The following CHIT1 variants were observed in gnomAD, a reference collection of about 807,000 sequenced individuals.
The protein encoded by CHIT1 is chitinase 1.
CHIT1 carries 47 observed loss-of-function variants against 52.0 expected under a neutral mutation model. The observed-to-expected ratio is 0.90, with a 90% CI of 0.71 to 1.15. The LOEUF is 1.15. Ranked by LOEUF, CHIT1 falls within the 50% of genes most tolerant of loss-of-function variation. CHIT1 has a pLI of 0.00. For missense variants in CHIT1, 569 were observed against 583.0 expected, an observed-to-expected ratio of 0.98 and a Z score of 0.25; for synonymous variants, 242 against 228.2, an observed-to-expected ratio of 1.06 and a Z score of -0.54.
In CHIT1 at chr1:203,226,775, G is replaced by T. The variant is rs555856368; in HGVS notation, c.56-905C>A. On this transcript the variant is annotated intron_variant, in intron 2 of 10. Transcript: ENST00000367229. ...GTGGTGATGACCCCCACTGAGGTCA[G>T]CCCTGTGCAGGGTTGACCAGGACAC... 4.1e-4 allele frequency among the ~76,000 whole-genome samples: 62 copies of T among 152,112 alleles called. No homozygotes were observed. The East Asian group carries it at 0.01, about 25-fold the overall frequency.
In CHIT1 at chr1:203,216,889, T is replaced by C; in HGVS notation, c.1401A>G (p.Ter467TrpextTer79). Residue 467 changes from the stop codon to tryptophan, a stop_lost, in exon 11 of 11, where the codon TGA (stop) becomes TGG (tryptophan). Transcript: ENST00000367229. ...SNSCKCCTWN* is the reference protein window; with the variant it reads ...SNSCKCCTWNW ...CTGGGACTGGAGGGGCTTTAGCGAC[T>C]CAATTCCAGGTGCAGCATTTGCAGG... 1 of 1,614,022 alleles carries C rather than the reference T, an allele frequency of 6.2e-7. No homozygotes were observed. Among genetic ancestry groups the C allele is most frequent in the Non-Finnish European group, 8.5e-7 (1 of 1,180,026 alleles).
At chr1:203,229,819 C>T, upstream of CHIT1, 2 of 705,730 alleles carry the variant, frequency 2.8e-6, no homozygotes, top group Non-Finnish European at 5.2e-6. Context: ...GCAAACTTGA[C>T]ACAATGGCCT....
At chr1:203,224,517 T>C (rs1233856627) in intron 4 of CHIT1, among the ~76,000 whole-genome samples, 1 of 152,176 alleles carries the variant, frequency 6.6e-6, no homozygotes, top group Non-Finnish European at 1.5e-5. Context: ...GAGCCCTATA[T>C]TCTGGATTTT....
chr1:203,229,754 TG>T (rs747499612), upstream of CHIT1: 69 of 1,058,358 alleles, frequency 6.5e-5, no homozygotes, highest in Middle Eastern at 3.9e-4. Flanking sequence ...GGGCACTGGG[TG>T]GGGGGGATGG....
Position 203,219,751 on chromosome 1 carries a change from TGAG to T in CHIT1, c.825_827del (p.Ser277del), listed in dbSNP as rs1476350320. ...CTGGGGCCCCCACTCTGGTGTCTGA[TGAG>T]GAGGCCAGTGTGAAGGAGCGTCCGT... On this transcript the variant is annotated inframe_deletion, in exon 8 of 11. Transcript: ENST00000367229. 1 of 1,613,750 alleles carries T rather than the reference TGAG, an allele frequency of 6.2e-7. No individual in the cohort carries two copies. Among genetic ancestry groups the T allele is most frequent in the Non-Finnish European group, 8.5e-7 (1 of 1,179,990 alleles).
At chr1:203,222,450 G>T (rs1204215469) in intron 6 of CHIT1, 125 bp from the exon 7 acceptor site, 17 of 1,441,688 alleles carry the variant, frequency 1.2e-5, no homozygotes, top group Non-Finnish European at 1.6e-5. Context: ...GGCAAAGGTG[G>T]CAGGCTCACC....
chr1:203,228,842 T>C (rs905712172), intron 1 of CHIT1, among the ~76,000 whole-genome samples: 3 of 152,154 alleles, frequency 2.0e-5, no homozygotes, highest in African/African-American at 4.8e-5. Context: ...GCAGTGTGGA[T>C]TCAGGAAGAT....
intron 2 of CHIT1, among the ~76,000 whole-genome samples, chr1:203,227,744 C>A (rs1443782928): frequency 1.3e-5 from 2 of 152,194 alleles, no homozygotes; most frequent in Non-Finnish European, 2.9e-5. Context: ...GCAGAAAGCC[C>A]AGAAGTAGCC....
In CHIT1 at chr1:203,225,798, G is replaced by C; in HGVS notation, c.128C>G (p.Pro43Arg). ...QYRQGEARFL[P>R]KDLDPSLCTH... ...GCAAAGGCTGGGGTCCAAGTCCTTG[G>C]GCAGGAAGCGAGCCTCCCCCTGTCT... Residue 43 changes from proline to arginine, a missense_variant, in exon 3 of 11, where the codon CCC becomes CGC. Transcript: ENST00000367229. The C allele has an allele frequency of 1.2e-6, 2 of 1,614,192 alleles. No homozygotes were observed. The highest frequency in any genetic ancestry group is 1.7e-6 in the Non-Finnish European group (2 of 1,180,024).
At position 203,217,894 on chromosome 1, in the gene CHIT1, G is replaced by A. The variant is rs200696379; in HGVS notation, c.1030-29C>T. On this transcript the variant is annotated intron_variant, in intron 9 of 10. Coordinates refer to ENST00000367229, the MANE Select transcript of CHIT1 (RefSeq NM_003465.3). ...TGCAGGGAGGGGATGCAGTGGAGGA[G>A]CCCGGGGAAGCCTGACCCGGCCACC... is the stretch of plus-strand genomic sequence containing the variant. 6.9e-6 allele frequency: 11 copies of A among 1,596,320 alleles called. No homozygotes were observed. The African/African-American group carries it at 1.3e-4, about 19-fold the overall frequency.
In CHIT1 at chr1:203,229,670, AACC is replaced by A; in HGVS notation, c.-37_-35del. The A allele has an allele frequency of 6.2e-7, 1 of 1,613,458 alleles. No individual in the cohort carries two copies. Among genetic ancestry groups the A allele is most frequent in the East Asian group, 2.2e-5 (1 of 44,864 alleles). On this transcript the variant is annotated 5_prime_UTR_variant, in exon 1 of 11. Transcript: ENST00000367229. ...TCAGCGGCAGGCTGCAGCCCATACA[AACC>A]AGCTTTCCAGGTCCTGCTCTGCTTT... is the stretch of plus-strand genomic sequence containing the variant.
At chr1:203,217,887 T>A (rs1175818860) in intron 9 of CHIT1, 22 bp from the exon 10 acceptor site, 1 of 1,522,284 alleles carries the variant, frequency 6.6e-7, no homozygotes, top group Admixed American at 1.9e-5. Flanking sequence ...GGGGATGCAG[T>A]GGAGGAGCCC....
At chr1:203,221,607 C>A (rs1459031257) in intron 7 of CHIT1, among the ~76,000 whole-genome samples, 1 of 152,084 alleles carries the variant, frequency 6.6e-6, no homozygotes, top group South Asian at 2.1e-4. Context: ...GGTGACAGAA[C>A]AAGATTCTGT....
chr1:203,228,499 A>T, intron 2 of CHIT1, 34 bp downstream of exon 2: 1 of 1,573,596 alleles, frequency 6.4e-7, no homozygotes, highest in Non-Finnish European at 8.6e-7. Flanking sequence ...AGCCCAGGGA[A>T]GGGGCTGAGG....
chr1:203,222,080 A>T, intron 7 of CHIT1, 122 bp downstream of exon 7: 1 of 1,390,204 alleles, frequency 7.2e-7, no homozygotes, highest in East Asian at 2.4e-5. Context: ...GAAACAAAAA[A>T]GCTTCTTGTT....
At chr1:203,228,047 G>T (rs1019015257) in intron 2 of CHIT1, among the ~76,000 whole-genome samples, 1 of 152,178 alleles carries the variant, frequency 6.6e-6, no homozygotes, top group African/African-American at 2.4e-5. Context: ...CCTCTCTCAA[G>T]CTCCACATCT....
At chr1:203,229,890 G>A, upstream of CHIT1, 1 of 559,124 alleles carries the variant, frequency 1.8e-6, no homozygotes. Flanking sequence ...CCAAACAGAG[G>A]AAAGCGGGAA....
rs768505099 is a variant in CHIT1, at chr1:203,225,683, A to C, written c.243T>G (p.Asn81Lys). 61 of 1,575,420 alleles carry C rather than the reference A, an allele frequency of 3.9e-5. No homozygotes were observed. The Admixed American group carries it at 9.2e-4, about 24-fold the overall frequency. Residue 81 changes from asparagine to lysine, a missense_variant, in exon 3 of 11, where the codon AAT becomes AAG. Asn to Lys is a moderately conservative substitution (Grantham distance 94). Transcript: ENST00000367229. The part of the protein sequence containing the change: ...WNDETLYQEF[N>K]GLKKMNPKLK... ...CTTTGGCTCACATCTTCTTCAGGCCATTGAACTCCTGGTAGAGAGTCTCGT... is the reference window on the plus strand; with the variant it reads ...CTTTGGCTCACATCTTCTTCAGGCCCTTGAACTCCTGGTAGAGAGTCTCGT...
Position 203,223,500 on chromosome 1 carries a change from C to A in CHIT1, c.475G>T (p.Val159Leu), listed in dbSNP as rs1176805685. ...AVDKERFTTL[V>L]QDLANAFQQE... ...CCCGCCCCGCCCAGCCATACCTGTA[C>A]CAGGGTTGTGAAGCGCTCCTTGTCT... Residue 159 changes from valine (V) to leucine (L), a missense_variant, in exon 5 of 11, where the codon GTA (valine) becomes TTA (leucine). By Grantham distance (32) the Val-to-Leu change is conservative. Coordinates refer to ENST00000367229, the MANE Select transcript of CHIT1 (RefSeq NM_003465.3). The A allele has an allele frequency of 1.2e-6, 2 of 1,614,162 alleles. No individual in the cohort carries two copies. Among genetic ancestry groups the A allele is most frequent in the Non-Finnish European group, 1.7e-6 (2 of 1,180,038 alleles).
Sources: allele counts gnomAD v4.1 joint callset (sites outside exome capture counted in the v4.1 genomes callset), GRCh38; gene constraint gnomAD v4.1.1; transcripts MANE v1.5; gene names NCBI Gene and HGNC (gene_info 2026-07-23, HGNC 2026-07-21).